Variants in DENND11 observed in about 807,000 individuals in gnomAD.
DENND11 encodes DENN domain containing 11.
DENND11 carries 34 observed loss-of-function variants against 49.2 expected under a neutral mutation model. That is an observed-to-expected ratio of 0.69 (90% CI 0.53 to 0.92). DENND11 has a LOEUF of 0.92. Ranked by LOEUF, DENND11 falls within the 40% of genes least tolerant of loss-of-function variation. DENND11 has a pLI of 0.00. For synonymous variants in DENND11, 238 were observed against 230.3 expected (o/e 1.03, Z -0.30); for missense variants, 475 against 581.6 (o/e 0.82, Z 1.88).
intron 1 of DENND11, among the ~76,000 whole-genome samples, chr7:141,688,210 A>C (rs2117075605): frequency 6.6e-6 from 1 of 152,354 alleles, no homozygotes; most frequent in South Asian, 2.1e-4. Context: ...CATATTCAAA[A>C]GGGTTTAAAG....
chr7:141,662,919 A>C, intron 8 of DENND11, 68 bp from the exon 9 acceptor site: 1 of 1,215,176 alleles, frequency 8.2e-7, no homozygotes, highest in Non-Finnish European at 1.1e-6. Context: ...GATAATCCAC[A>C]TATGGGGAAC....
intron 4 of DENND11, among the ~76,000 whole-genome samples, chr7:141,670,515 A>G (rs1202829019): frequency 6.6e-6 from 1 of 152,250 alleles, no homozygotes; most frequent in Non-Finnish European, 1.5e-5. Context: ...GAGGTATTAT[A>G]AGTAACCTAG....
chr7:141,690,347 G>A (rs1231566872), intron 1 of DENND11, among the ~76,000 whole-genome samples: 1 of 152,110 alleles, frequency 6.6e-6, no homozygotes, highest in African/African-American at 2.4e-5. Context: ...CCTGATCCGC[G>A]TTCCCACCTA....
chr7:141,665,905 C>T (rs73738245), intron 5 of DENND11, among the ~76,000 whole-genome samples: 3,859 of 151,934 alleles, frequency 0.025, 139 homozygotes, highest in African/African-American at 0.079. Context: ...TCAAGCCAGC[C>T]CCCGGCTCCT....
chr7:141,701,850 C>T (rs2117089260), intron 1 of DENND11, 36 bp downstream of exon 1: 1 of 1,168,032 alleles, frequency 8.6e-7, no homozygotes, highest in Non-Finnish European at 1.1e-6. Context: ...GGCACCCCGA[C>T]CCTCCCCACG....
At chr7:141,689,756 T>C (rs888054486) in intron 1 of DENND11, among the ~76,000 whole-genome samples, 2 of 152,220 alleles carry the variant, frequency 1.3e-5, no homozygotes, top group East Asian at 1.9e-4. Context: ...TAACCCTCTC[T>C]CATGAATTAG....
Position 141,677,501 on chromosome 7 carries a change from G to GTA in DENND11, c.528-3282_528-3281insTA, listed in dbSNP as rs1221114182. Among the ~76,000 whole-genome samples the GTA allele has an allele frequency of 4.5e-3, 592 of 130,320 alleles. 1 individual carries two copies. Among genetic ancestry groups the GTA allele is most frequent in the East Asian group, 0.013 (54 of 4,168 alleles). 85.5% of individuals were successfully genotyped at this position (130,320 alleles called of 152,430 possible). On this transcript the variant is annotated intron_variant, in intron 3 of 8. Transcript: ENST00000536163. ...TATATATTTATATGTGTGTGTGTGT[G>GTA]TGTATATATATATATATATGTATAT... is the stretch of plus-strand genomic sequence containing the variant.
intron 3 of DENND11, among the ~76,000 whole-genome samples, chr7:141,678,950 T>A (rs1183098350): frequency 6.6e-6 from 1 of 152,170 alleles, no homozygotes. Context: ...TATCTTCTGA[T>A]TAAGAAATAA....
chr7:141,672,565 G>A (rs1171058523), intron 4 of DENND11, among the ~76,000 whole-genome samples: 1 of 152,206 alleles, frequency 6.6e-6, no homozygotes, highest in Non-Finnish European at 1.5e-5. Context: ...CCTGATCTTA[G>A]AGGTGGATAC....
intron 1 of DENND11, among the ~76,000 whole-genome samples, chr7:141,687,695 C>T (rs186235415): frequency 9.0e-4 from 129 of 142,814 alleles, no homozygotes; most frequent in African/African-American, 3.0e-3. Flanking sequence ...AGTGCAGTGG[C>T]GCGATCTCGG....
intron 1 of DENND11, among the ~76,000 whole-genome samples, chr7:141,688,098 G>A (rs1278712397): frequency 6.6e-6 from 1 of 152,160 alleles, no homozygotes. Context: ...GATTTTAAAA[G>A]TACAAGCATG....
intron 1 of DENND11, among the ~76,000 whole-genome samples, chr7:141,694,042 T>G (rs551760931): frequency 1.6e-4 from 25 of 152,292 alleles, no homozygotes; most frequent in Non-Finnish European, 2.8e-4. Context: ...AAGATGTTAA[T>G]AAAGGGAAAT....
chr7:141,697,102 T>C (rs1376615606), intron 1 of DENND11, among the ~76,000 whole-genome samples: 1 of 152,130 alleles, frequency 6.6e-6, no homozygotes, highest in Non-Finnish European at 1.5e-5. Context: ...GGGGTGCAGG[T>C]AGACTTGGGC....
intron 3 of DENND11, among the ~76,000 whole-genome samples, chr7:141,684,992 T>A (rs191202389): frequency 7.2e-5 from 9 of 125,364 alleles, no homozygotes; most frequent in Admixed American, 2.0e-4. Context: ...CTGGGCAATA[T>A]AGTAAGAGCC....
rs1797756002 is a variant in DENND11 at position 141,659,570 on chromosome 7, C to T, written c.*3086G>A. On this transcript the variant is annotated 3_prime_UTR_variant, in exon 9 of 9. Transcript: ENST00000536163. ...TACCAACGAGCCCCAAACCTGAATT[C>T]CACTCCCACCTGGAACTTCTTCTGA... 6.6e-6 allele frequency: 1 copy of T among 152,280 alleles called. No homozygotes were observed. The highest frequency in any genetic ancestry group is 1.5e-5 in the Non-Finnish European group (1 of 68,102). The allele number at this position is 152,280 out of a possible 1,614,324, so 9.4% of individuals were successfully genotyped here.
At chr7:141,691,761 G>T (rs1798329804) in intron 1 of DENND11, among the ~76,000 whole-genome samples, 1 of 152,186 alleles carries the variant, frequency 6.6e-6, no homozygotes, top group South Asian at 2.1e-4. Context: ...AGTAGGTAGA[G>T]CTACTATGGC....
intron 5 of DENND11, 107 bp from the exon 6 acceptor site, chr7:141,665,425 G>A: frequency 6.8e-7 from 1 of 1,465,456 alleles, no homozygotes; most frequent in South Asian, 1.3e-5. Context: ...GGTGCTTCAG[G>A]ATCCAGGTGG....
chr7:141,662,896 A>G (rs1394241465), intron 8 of DENND11, 45 bp from the exon 9 acceptor site: 15 of 1,421,310 alleles, frequency 1.1e-5, no homozygotes, highest in African/African-American at 4.4e-5. Flanking sequence ...GGGGGGGAAT[A>G]AAAAGCTCAC....
At chr7:141,692,984 C>T (rs552129149) in intron 1 of DENND11, among the ~76,000 whole-genome samples, 1 of 152,270 alleles carries the variant, frequency 6.6e-6, no homozygotes, top group African/African-American at 2.4e-5. Flanking sequence ...ACTAACAGCA[C>T]AATTCATGAA....
Sources: allele counts gnomAD v4.1 joint callset (sites outside exome capture counted in the v4.1 genomes callset), GRCh38; gene constraint gnomAD v4.1.1; transcripts MANE v1.5; gene names NCBI Gene and HGNC (gene_info 2026-07-23, HGNC 2026-07-21).